The following NELL2 variants were observed in gnomAD, a reference collection of about 807,000 sequenced individuals.
NELL2 encodes the protein protein kinase C-binding protein NELL2.
NELL2 carries 41 observed loss-of-function variants against 109.6 expected under a neutral mutation model. The ratio of observed to expected loss-of-function variants is 0.37; its 90% CI spans 0.29 to 0.49. The LOEUF (loss-of-function observed/expected upper bound fraction) is 0.49. NELL2 is among the 20% of genes least tolerant of loss of function. The pLI is 0.98. For missense variants in NELL2, 900 were observed against 1,008.3 expected, an observed-to-expected ratio of 0.89 and a Z score of 1.45; for synonymous variants, 355 against 344.7, an observed-to-expected ratio of 1.03 and a Z score of -0.33.
rs1941255615 is a variant in NELL2, at chr12:44,764,632, AAC to A, written c.994+10113_994+10114del. 2.0e-5 allele frequency among the ~76,000 whole-genome samples: 3 copies of A among 152,320 alleles called. No homozygotes were observed. In the South Asian group the frequency reaches 6.2e-4, roughly 32 times the overall value. On this transcript the variant is annotated intron_variant, in intron 9 of 19. Transcript: ENST00000429094. ...AAATCATATGAGACAATGTATAAGA[AAC>A]ACTGCATATGTTTAAATTGTGGTGC... is the stretch of plus-strand genomic sequence containing the variant.
chr12:44,866,098 C>A (rs1189801140), intron 2 of NELL2, among the ~76,000 whole-genome samples: 3 of 152,168 alleles, frequency 2.0e-5, no homozygotes, highest in African/African-American at 7.2e-5. Context: ...ATACAGCATT[C>A]ATCACTTCCA....
intron 19 of NELL2, among the ~76,000 whole-genome samples, chr12:44,518,082 T>C (rs1313269588): frequency 6.6e-6 from 1 of 152,132 alleles, no homozygotes; most frequent in Non-Finnish European, 1.5e-5. Flanking sequence ...TAACAAGAGA[T>C]AAAGAAAATA....
intron 12 of NELL2, among the ~76,000 whole-genome samples, chr12:44,685,574 T>C (rs1400638135): frequency 6.6e-6 from 1 of 152,202 alleles, no homozygotes; most frequent in Non-Finnish European, 1.5e-5. Flanking sequence ...TTCCAATGTT[T>C]AGCGCTTCCT....
At chr12:44,542,508 T>A (rs1447869318) in intron 15 of NELL2, among the ~76,000 whole-genome samples, 1 of 152,080 alleles carries the variant, frequency 6.6e-6, no homozygotes, top group Non-Finnish European at 1.5e-5. Flanking sequence ...CCATGTCCAG[T>A]TGGAACCTCA....
chr12:44,873,883 T>C (rs57392964), intron 2 of NELL2, among the ~76,000 whole-genome samples: 11,635 of 152,164 alleles, frequency 0.076, 775 homozygotes, highest in East Asian at 0.23. Context: ...CCCACCCTCT[T>C]ATAAAAGACC....
At chr12:44,705,576 T>C (rs894572341) in intron 11 of NELL2, among the ~76,000 whole-genome samples, 5 of 152,194 alleles carry the variant, frequency 3.3e-5, no homozygotes, top group African/African-American at 1.2e-4. Context: ...TCAGATGATA[T>C]TTCTTCAAAT....
chr12:44,541,547 A>G (rs2139032378), intron 15 of NELL2, among the ~76,000 whole-genome samples: 1 of 152,296 alleles, frequency 6.6e-6, no homozygotes, highest in South Asian at 2.1e-4. Flanking sequence ...GCAAAAGCAA[A>G]CAAAGCAAAG....
At chr12:44,675,144 G>C (rs1948264050) in intron 12 of NELL2, among the ~76,000 whole-genome samples, 1 of 152,164 alleles carries the variant, frequency 6.6e-6, no homozygotes, top group African/African-American at 2.4e-5. Context: ...GCTTTTGTAT[G>C]AATAGCAAAT....
intron 2 of NELL2, among the ~76,000 whole-genome samples, chr12:44,835,153 G>A (rs140641060): frequency 3.6e-3 from 550 of 152,190 alleles, no homozygotes; most frequent in Non-Finnish European, 6.4e-3. Flanking sequence ...GGCAGGTACC[G>A]TACACACCCA....
chr12:44,640,036 T>C (rs1269694261), intron 13 of NELL2, among the ~76,000 whole-genome samples: 1 of 152,134 alleles, frequency 6.6e-6, no homozygotes, highest in African/African-American at 2.4e-5. Flanking sequence ...CTCTAATGTA[T>C]ATCTAATTTT....
chr12:44,798,946 CTTTTTTTTTTTTTTT>C (rs1157006162), intron 3 of NELL2, among the ~76,000 whole-genome samples: 5 of 77,434 alleles, frequency 6.5e-5, no homozygotes, highest in Admixed American at 1.6e-4. Context: ...ATGATTTCCA[CTTTTTTTTTTTTTTT>C]TTTTTTTTTT....
At chr12:44,619,844 C>T (rs1945981413) in intron 13 of NELL2, among the ~76,000 whole-genome samples, 1 of 152,158 alleles carries the variant, frequency 6.6e-6, no homozygotes, top group East Asian at 1.9e-4. Context: ...AACCATGTCT[C>T]ATTCACTTTA....
At chr12:44,589,864 C>T (rs1944680483) in intron 15 of NELL2, among the ~76,000 whole-genome samples, 1 of 152,130 alleles carries the variant, frequency 6.6e-6, no homozygotes, top group Admixed American at 6.6e-5. Context: ...CACTAAATAC[C>T]ATACAGTTAA....
intron 1 of NELL2, among the ~76,000 whole-genome samples, chr12:44,902,089 T>C (rs1049986399): frequency 2.0e-5 from 3 of 152,166 alleles, no homozygotes; most frequent in Non-Finnish European, 4.4e-5. Flanking sequence ...GGTATTCAAA[T>C]AGGAAGACAG....
chr12:44,874,154 T>C (rs1945246501), intron 2 of NELL2, among the ~76,000 whole-genome samples: 1 of 152,192 alleles, frequency 6.6e-6, no homozygotes, highest in South Asian at 2.1e-4. Flanking sequence ...TTTATTTCTA[T>C]TTCTTGGTAG....
intron 12 of NELL2, among the ~76,000 whole-genome samples, chr12:44,699,525 C>T (rs546109693): frequency 6.6e-6 from 1 of 152,228 alleles, no homozygotes; most frequent in African/African-American, 2.4e-5. Context: ...AGAATCCCTT[C>T]TTTAGCTTCA....
intron 13 of NELL2, among the ~76,000 whole-genome samples, chr12:44,641,480 T>C (rs778958755): frequency 3.9e-5 from 6 of 151,942 alleles, no homozygotes; most frequent in Non-Finnish European, 7.4e-5. Flanking sequence ...AAGAAAACCA[T>C]GTGATCAAAA....
intron 1 of NELL2, among the ~76,000 whole-genome samples, chr12:44,893,381 C>T (rs1243370228): frequency 6.6e-6 from 1 of 152,174 alleles, no homozygotes; most frequent in Admixed American, 6.5e-5. Flanking sequence ...CTAAATAAAA[C>T]ATAGCCAAAT....
intron 13 of NELL2, among the ~76,000 whole-genome samples, chr12:44,644,107 T>G (rs1341341647): frequency 6.6e-6 from 1 of 152,134 alleles, no homozygotes; most frequent in African/African-American, 2.4e-5. Context: ...TGATAGACTA[T>G]GAACACAGAG....
Sources: allele counts gnomAD v4.1 joint callset (sites outside exome capture counted in the v4.1 genomes callset), GRCh38; gene constraint gnomAD v4.1.1; transcripts MANE v1.5; gene names NCBI Gene and HGNC (gene_info 2026-07-23, HGNC 2026-07-21).